The following CCDC178 variants were observed in gnomAD, a reference collection of about 807,000 sequenced individuals.
CCDC178 encodes coiled-coil domain containing 178, also known as coiled-coil domain-containing protein 178.
In CCDC178, 126 loss-of-function variants were observed where a neutral mutation model predicts 117.4. The observed-to-expected ratio is 1.07, with a 90% CI of 0.93 to 1.24. CCDC178 has a LOEUF of 1.24. Ranked by LOEUF, CCDC178 falls within the 50% of genes most tolerant of loss-of-function variation. The pLI, the probability that CCDC178 is intolerant of heterozygous loss-of-function variation, is 0.00. For synonymous variants in CCDC178, 283 were observed against 313.4 expected (o/e 0.90, Z 1.02); for missense variants, 1,030 against 986.9 (o/e 1.04, Z -0.59).
At chr18:33,311,607 G>A (rs185681671) in intron 11 of CCDC178, among the ~76,000 whole-genome samples, 13 of 152,292 alleles carry the variant, frequency 8.5e-5, no homozygotes, top group East Asian at 7.7e-4. Flanking sequence ...TCAATGTGCC[G>A]CTTCTTCAGA....
intron 20 of CCDC178, among the ~76,000 whole-genome samples, chr18:33,142,865 A>T (rs1247766126): frequency 6.6e-6 from 1 of 152,200 alleles, no homozygotes; most frequent in African/African-American, 2.4e-5. Flanking sequence ...AAGTAATAGA[A>T]AATCTTATTT....
intron 14 of CCDC178, among the ~76,000 whole-genome samples, chr18:33,251,702 T>C (rs1239552585): frequency 6.6e-6 from 1 of 151,774 alleles, no homozygotes; most frequent in African/African-American, 2.4e-5. Flanking sequence ...TCTCAAGTGG[T>C]ATTCAAGTAA....
chr18:33,141,079 C>T (rs147368123), intron 20 of CCDC178, among the ~76,000 whole-genome samples: 54 of 152,236 alleles, frequency 3.5e-4, no homozygotes, highest in Middle Eastern at 3.4e-3. Context: ...CCTTGCCTTC[C>T]GCCATGATTG....
intron 22 of CCDC178, among the ~76,000 whole-genome samples, chr18:32,946,426 A>T (rs2054349764): frequency 6.6e-6 from 1 of 152,190 alleles, no homozygotes; most frequent in Non-Finnish European, 1.5e-5. Context: ...ATTCATTCAA[A>T]ATATTTAGAC....
At chr18:33,203,252 A>C (rs1055302548) in intron 20 of CCDC178, among the ~76,000 whole-genome samples, 7 of 152,304 alleles carry the variant, frequency 4.6e-5, no homozygotes, top group African/African-American at 1.7e-4. Context: ...ATAGACACTC[A>C]ATAAATTAAA....
chr18:32,985,325 G>A (rs1196963065), intron 21 of CCDC178, among the ~76,000 whole-genome samples: 1 of 151,896 alleles, frequency 6.6e-6, no homozygotes, highest in East Asian at 1.9e-4. Context: ...ATCATGCAAT[G>A]CGGGACAGCC....
chr18:33,322,980 G>A (rs1006326474), intron 11 of CCDC178, among the ~76,000 whole-genome samples: 1 of 150,646 alleles, frequency 6.6e-6, no homozygotes. Flanking sequence ...AGGAATAGCA[G>A]AAAATAAATA....
At chr18:33,102,627 C>T (rs1424390021) in intron 20 of CCDC178, among the ~76,000 whole-genome samples, 1 of 151,672 alleles carries the variant, frequency 6.6e-6, no homozygotes, top group Non-Finnish European at 1.5e-5. Flanking sequence ...TTATGAGCAT[C>T]TTTACTCACC....
chr18:33,150,908 T>TA (rs1344659526), intron 20 of CCDC178, among the ~76,000 whole-genome samples: 2 of 152,176 alleles, frequency 1.3e-5, no homozygotes, highest in Non-Finnish European at 2.9e-5. Context: ...CATAGAATAC[T>TA]ACTCGGGCAT....
At chr18:33,195,440 G>A (rs1009253666) in intron 20 of CCDC178, among the ~76,000 whole-genome samples, 42 of 152,148 alleles carry the variant, frequency 2.8e-4, no homozygotes, top group Non-Finnish European at 1.8e-4. Flanking sequence ...CCTTTTATAT[G>A]CACCTGTCCA....
intron 22 of CCDC178, among the ~76,000 whole-genome samples, chr18:32,942,204 AAC>A (rs1425058395): frequency 6.6e-6 from 1 of 152,162 alleles, no homozygotes; most frequent in Non-Finnish European, 1.5e-5. Flanking sequence ...ATTCAGTGAG[AAC>A]ACAGAGAACA....
At chr18:33,028,073 T>C (rs564348941) in intron 21 of CCDC178, among the ~76,000 whole-genome samples, 2 of 151,832 alleles carry the variant, frequency 1.3e-5, no homozygotes, top group South Asian at 4.1e-4. Flanking sequence ...AAATTTCGAT[T>C]TAAAGAACTT....
intron 21 of CCDC178, among the ~76,000 whole-genome samples, chr18:33,077,841 T>C (rs2057235832): frequency 6.6e-6 from 1 of 152,168 alleles, no homozygotes; most frequent in Non-Finnish European, 1.5e-5. Context: ...AGCCAAATTC[T>C]ACCAGGTGTA....
At chr18:32,956,203 GC>G (rs1401450552) in intron 22 of CCDC178, among the ~76,000 whole-genome samples, 1 of 152,070 alleles carries the variant, frequency 6.6e-6, no homozygotes, top group Non-Finnish European at 1.5e-5. Flanking sequence ...TAAGATCCTG[GC>G]TATCCATATA....
At chr18:33,300,491 G>T (rs904465508) in intron 11 of CCDC178, among the ~76,000 whole-genome samples, 2 of 152,176 alleles carry the variant, frequency 1.3e-5, no homozygotes, top group African/African-American at 4.8e-5. Context: ...GTGAGAGAAG[G>T]TTTGGAACTT....
At chr18:33,006,093 CTG>C (rs2055743757) in intron 21 of CCDC178, among the ~76,000 whole-genome samples, 1 of 152,026 alleles carries the variant, frequency 6.6e-6, no homozygotes, top group African/African-American at 2.4e-5. Context: ...GTTTGGTTGA[CTG>C]TATTAACATC....
intron 17 of CCDC178, among the ~76,000 whole-genome samples, chr18:33,223,761 T>A (rs2059267872): frequency 6.6e-6 from 1 of 152,202 alleles, no homozygotes; most frequent in South Asian, 2.1e-4. Context: ...AGGCTTTTGA[T>A]GCAATTAATA....
At chr18:33,231,837 T>A (rs995607628) in intron 15 of CCDC178, among the ~76,000 whole-genome samples, 2 of 152,042 alleles carry the variant, frequency 1.3e-5, no homozygotes, top group Admixed American at 6.6e-5. Context: ...AACCCCACCC[T>A]CTCCAATAAA....
intron 7 of CCDC178, among the ~76,000 whole-genome samples, chr18:33,350,809 T>C (rs892913099): frequency 2.0e-5 from 3 of 152,090 alleles, no homozygotes; most frequent in African/African-American, 7.2e-5. Flanking sequence ...TGCTGAGTGA[T>C]AGGTAATTCT....
Sources: allele counts gnomAD v4.1 joint callset (sites outside exome capture counted in the v4.1 genomes callset), GRCh38; gene constraint gnomAD v4.1.1; transcripts MANE v1.5; gene names NCBI Gene and HGNC (gene_info 2026-07-23, HGNC 2026-07-21).